The following TNFSF4 variants were observed in gnomAD, a reference collection of about 807,000 sequenced individuals.
TNFSF4 encodes tumor necrosis factor ligand superfamily member 4.
In TNFSF4, 4 loss-of-function variants were observed where a neutral mutation model predicts 7.3. That is an observed-to-expected ratio of 0.55 (90% CI 0.27 to 1.25). TNFSF4 has a LOEUF of 1.25. Among genes scored for constraint, TNFSF4 ranks in the 50% most tolerant of loss-of-function variants. TNFSF4 has a pLI of 0.12. For missense variants in TNFSF4, 181 were observed against 208.8 expected, an observed-to-expected ratio of 0.87 and a Z score of 0.82; for synonymous variants, 76 against 83.7, an observed-to-expected ratio of 0.91 and a Z score of 0.50.
At chr1:173,338,721 T>C in the TNFSF4 span, among the ~76,000 whole-genome samples, 1 of 152,202 alleles carries the variant, frequency 6.6e-6, no homozygotes, top group Non-Finnish European at 1.5e-5. Flanking sequence ...AATTTTTGCT[T>C]CCTGTTCCCA....
chr1:173,373,930 C>T, the TNFSF4 span, among the ~76,000 whole-genome samples: 1 of 152,168 alleles, frequency 6.6e-6, no homozygotes, highest in Non-Finnish European at 1.5e-5. Flanking sequence ...AAAGCCACAG[C>T]AACTCAGGGA....
At chr1:173,429,377 A>G in the TNFSF4 span, among the ~76,000 whole-genome samples, 1 of 152,242 alleles carries the variant, frequency 6.6e-6, no homozygotes, top group South Asian at 2.1e-4. Flanking sequence ...CAGAAAAGAA[A>G]AAGTAACCAG....
Position 173,196,344 on chromosome 1 carries a change from A to G in TNFSF4, c.154-7775T>C, listed in dbSNP as rs1649697221. Among the ~76,000 whole-genome samples, 6 of 152,352 alleles carry G rather than the reference A, an allele frequency of 3.9e-5. No individual in the cohort carries two copies. The South Asian group carries it at 1.0e-3, about 26-fold the overall frequency. ...ACGAGTTTATTGGGACTTAATGAAC[A>G]CAAAGAAAAGCCATTTTAACTGCCA... On this transcript the variant is annotated intron_variant, in intron 1 of 2. Transcript: ENST00000281834.
At chr1:173,240,834 C>A in the TNFSF4 span, among the ~76,000 whole-genome samples, 2 of 152,320 alleles carry the variant, frequency 1.3e-5, no homozygotes, top group East Asian at 3.9e-4. Flanking sequence ...CTCACCAGCA[C>A]TTGATATTAT....
downstream of TNFSF4, among the ~76,000 whole-genome samples, chr1:173,179,010 A>G (rs181450570): frequency 3.3e-5 from 5 of 152,340 alleles, no homozygotes; most frequent in African/African-American, 9.6e-5. Flanking sequence ...ATCTGGAACT[A>G]GCAAGGAGAT....
the TNFSF4 span, among the ~76,000 whole-genome samples, chr1:173,231,923 T>C: frequency 1.3e-5 from 2 of 152,282 alleles, no homozygotes; most frequent in South Asian, 4.1e-4. Context: ...CTTTGTTCTT[T>C]TGGCTTAGGA....
At chr1:173,267,374 C>T in the TNFSF4 span, among the ~76,000 whole-genome samples, 7 of 152,266 alleles carry the variant, frequency 4.6e-5, no homozygotes, top group Non-Finnish European at 7.4e-5. Context: ...GGCCATTGTG[C>T]ACTTTTCCCT....
the TNFSF4 span, among the ~76,000 whole-genome samples, chr1:173,259,061 G>T: frequency 6.6e-6 from 1 of 152,116 alleles, no homozygotes; most frequent in East Asian, 1.9e-4. Flanking sequence ...CAGCCAACAG[G>T]GGTCACTAGA....
intron 1 of TNFSF4, among the ~76,000 whole-genome samples, chr1:173,188,782 G>A (rs1381277023): frequency 2.0e-5 from 3 of 152,002 alleles, no homozygotes; most frequent in Admixed American, 2.0e-4. Context: ...ACACAATCAC[G>A]GCTCCCTGCA....
chr1:173,246,263 C>T, the TNFSF4 span, among the ~76,000 whole-genome samples: 2 of 152,018 alleles, frequency 1.3e-5, no homozygotes, highest in Admixed American at 6.6e-5. Flanking sequence ...TGGTTTTAAG[C>T]CCCATATGCA....
the TNFSF4 span, among the ~76,000 whole-genome samples, chr1:173,321,770 C>T: frequency 5.3e-5 from 8 of 152,242 alleles, no homozygotes; most frequent in South Asian, 1.7e-3. Flanking sequence ...AATGACTTAC[C>T]ATCTCATGCC....
At chr1:173,372,358 C>G in the TNFSF4 span, among the ~76,000 whole-genome samples, 2 of 152,110 alleles carry the variant, frequency 1.3e-5, no homozygotes, top group African/African-American at 4.8e-5. Context: ...GAATGGGAAC[C>G]AGAGGCAGAA....
chr1:173,346,801 T>C, the TNFSF4 span, among the ~76,000 whole-genome samples: 1 of 151,980 alleles, frequency 6.6e-6, no homozygotes, highest in Non-Finnish European at 1.5e-5. Context: ...AAGAAAGCCA[T>C]TATATTATTG....
upstream of TNFSF4, among the ~76,000 whole-genome samples, chr1:173,210,726 A>AC (rs145344225): frequency 1.3e-5 from 2 of 151,304 alleles, no homozygotes; most frequent in Admixed American, 1.3e-4. Context: ...AAATAATTCT[A>AC]GGGGGGGGAA....
the TNFSF4 span, among the ~76,000 whole-genome samples, chr1:173,341,810 T>C: frequency 1.3e-5 from 2 of 152,164 alleles, no homozygotes; most frequent in African/African-American, 2.4e-5. Flanking sequence ...TGGTGAAAGA[T>C]TGCTCTGTGC....
the TNFSF4 span, chr1:173,418,643 A>T: frequency 6.6e-6 from 1 of 151,934 alleles, no homozygotes; most frequent in African/African-American, 2.4e-5. Flanking sequence ...AAAAAAAATT[A>T]ACAACAAGAA....
In TNFSF4 at chr1:173,186,707, T is replaced by C; in HGVS notation, c.361A>G (p.Lys121Glu). 1 of 1,614,064 alleles carries C rather than the reference T, an allele frequency of 6.2e-7. No homozygotes were observed. The highest frequency in any genetic ancestry group is 8.5e-7 in the Non-Finnish European group (1 of 1,180,002). ...QEVNISLHYQKDEEPLFQLKK... is the reference protein window; with the variant it reads ...QEVNISLHYQEDEEPLFQLKK... Reference sequence around the variant, plus strand: ...AGTTGGAAGAGGGGCTCCTCATCCTTCTGGTAATGAAGGCTAATGTTGACT... The same window carrying C: ...AGTTGGAAGAGGGGCTCCTCATCCTCCTGGTAATGAAGGCTAATGTTGACT... Residue 121 changes from lysine to glutamate, a missense_variant, in exon 3 of 3, where the codon AAG becomes GAG. Transcript: ENST00000281834.
the TNFSF4 span, among the ~76,000 whole-genome samples, chr1:173,345,857 C>T: frequency 6.6e-6 from 1 of 152,194 alleles, no homozygotes; most frequent in Non-Finnish European, 1.5e-5. Flanking sequence ...AGTGGGCCAC[C>T]AGATGGAGGA....
chr1:173,388,414 C>T, the TNFSF4 span, among the ~76,000 whole-genome samples: 3,432 of 152,310 alleles, frequency 0.023, 114 homozygotes, highest in African/African-American at 0.078. Context: ...GATTTTATAG[C>T]AGCATTTCTG....
Sources: gnomAD v4.1 joint callset for allele counts (sites outside exome capture counted in the v4.1 genomes callset) on GRCh38, gnomAD v4.1.1 for gene constraint, MANE v1.5 for transcripts, NCBI Gene and HGNC (gene_info 2026-07-23, HGNC 2026-07-21) for gene names.